Variants in PCDH15 observed in about 807,000 individuals in gnomAD.
PCDH15 encodes the protein protocadherin related 15.
A neutral mutation model predicts 178.5 loss-of-function variants in PCDH15; 129 were observed. The ratio of observed to expected loss-of-function variants is 0.72; its 90% CI spans 0.63 to 0.84. The LOEUF (loss-of-function observed/expected upper bound fraction) is 0.84. PCDH15 is among the 40% of genes least tolerant of loss of function. The pLI is 0.00. For missense variants in PCDH15, 2,230 were observed against 2,099.9 expected (o/e 1.06, Z -1.21); for synonymous variants, 800 against 732.0 (o/e 1.09, Z -1.50).
chr10:55,415,109 G>A (rs1029510158), intron 2 of PCDH15, among the ~76,000 whole-genome samples: 3 of 151,512 alleles, frequency 2.0e-5, no homozygotes, highest in Admixed American at 6.6e-5. Context: ...TTTAACAAGA[G>A]ACTTTATTAT....
At chr10:54,881,305 G>A (rs1381548356) in intron 3 of PCDH15, among the ~76,000 whole-genome samples, 4 of 152,030 alleles carry the variant, frequency 2.6e-5, no homozygotes, top group African/African-American at 9.7e-5. Flanking sequence ...ATGAATGTAA[G>A]GAAATGCTTT....
intron 10 of PCDH15, among the ~76,000 whole-genome samples, chr10:54,198,553 G>C (rs2049917123): frequency 1.5e-5 from 1 of 64,850 alleles, no homozygotes; most frequent in East Asian, 4.8e-4. Flanking sequence ...CCAGGCTGGA[G>C]TGCAGTGGCG....
chr10:54,755,939 G>A (rs1300312165), intron 1 of PCDH15, among the ~76,000 whole-genome samples: 1 of 151,990 alleles, frequency 6.6e-6, no homozygotes. Context: ...AACACCATGA[G>A]ACAAGGCGCG....
At chr10:53,836,231 T>A (rs2077299389) in intron 29 of PCDH15, among the ~76,000 whole-genome samples, 1 of 151,944 alleles carries the variant, frequency 6.6e-6, no homozygotes, top group South Asian at 2.1e-4. Flanking sequence ...CCTGTAAATG[T>A]GAAGCAGAGG....
intron 1 of PCDH15, among the ~76,000 whole-genome samples, chr10:54,782,406 A>G (rs919482907): frequency 1.3e-5 from 2 of 152,174 alleles, no homozygotes; most frequent in Non-Finnish European, 2.9e-5. Flanking sequence ...AATATAAACT[A>G]AAATCAATGC....
intron 2 of PCDH15, among the ~76,000 whole-genome samples, chr10:55,059,792 T>C (rs1841386219): frequency 6.6e-6 from 1 of 152,112 alleles, no homozygotes; most frequent in Non-Finnish European, 1.5e-5. Context: ...CTGATAAATA[T>C]TGCTGGACAT....
chr10:55,507,159 A>G (rs1840776010), intron 2 of PCDH15, among the ~76,000 whole-genome samples: 1 of 151,672 alleles, frequency 6.6e-6, no homozygotes, highest in Non-Finnish European at 1.5e-5. Context: ...TCAACAGGTT[A>G]TAGTGGAGAT....
intron 26 of PCDH15, among the ~76,000 whole-genome samples, chr10:53,892,323 C>T (rs1483329689): frequency 6.6e-6 from 1 of 152,120 alleles, no homozygotes; most frequent in Non-Finnish European, 1.5e-5. Context: ...CTGGGACCGG[C>T]CTCATCGATT....
chr10:55,137,505 C>A (rs1185923100), intron 2 of PCDH15, among the ~76,000 whole-genome samples: 1 of 149,622 alleles, frequency 6.7e-6, no homozygotes, highest in Non-Finnish European at 1.5e-5. Context: ...TCAGAACAAC[C>A]TTAAGTGATG....
intron 2 of PCDH15, among the ~76,000 whole-genome samples, chr10:55,560,235 G>C (rs1842169947): frequency 6.6e-6 from 1 of 151,870 alleles, no homozygotes; most frequent in Non-Finnish European, 1.5e-5. Flanking sequence ...AGGAAAAAAT[G>C]CAGGAAGATG....
chr10:54,330,876 T>TCTTGTGGTTGTTCAGTTGC (rs1312317195), intron 6 of PCDH15, among the ~76,000 whole-genome samples: 1 of 151,968 alleles, frequency 6.6e-6, no homozygotes, highest in Non-Finnish European at 1.5e-5. Context: ...ACTGAAATTG[T>TCTTGTGGTTGTTCAGTTGC]CTTGTGGTTG....
chr10:55,341,553 C>T (rs1844555868), intron 2 of PCDH15, among the ~76,000 whole-genome samples: 1 of 147,966 alleles, frequency 6.8e-6, no homozygotes, highest in Non-Finnish European at 1.5e-5. Context: ...ATTATTTTTT[C>T]TCATATTCTA....
At chr10:53,955,794 T>C (rs2087555538) in intron 23 of PCDH15, among the ~76,000 whole-genome samples, 1 of 152,194 alleles carries the variant, frequency 6.6e-6, no homozygotes, top group Admixed American at 6.5e-5. Flanking sequence ...TCATTTAGCA[T>C]CTCTGGGAAT....
intron 2 of PCDH15, among the ~76,000 whole-genome samples, chr10:54,529,960 T>G (rs1032333168): frequency 6.6e-6 from 1 of 151,998 alleles, no homozygotes; most frequent in Admixed American, 6.6e-5. Context: ...TAATACCTAC[T>G]GAAAATAGAT....
At chr10:54,705,162 G>A (rs1395653644) in intron 1 of PCDH15, among the ~76,000 whole-genome samples, 1 of 152,046 alleles carries the variant, frequency 6.6e-6, no homozygotes, top group Non-Finnish European at 1.5e-5. Flanking sequence ...AGACACTGAT[G>A]CCTACTTGAG....
intron 13 of PCDH15, among the ~76,000 whole-genome samples, chr10:54,168,903 G>T (rs61858442): frequency 2.0e-5 from 3 of 151,590 alleles, no homozygotes; most frequent in South Asian, 4.2e-4. Flanking sequence ...ATAGAAAAAT[G>T]TTGCAATTCC....
intron 1 of PCDH15, among the ~76,000 whole-genome samples, chr10:54,674,852 T>C (rs977577411): frequency 1.3e-5 from 2 of 152,106 alleles, no homozygotes; most frequent in African/African-American, 4.8e-5. Flanking sequence ...AATTTTATAA[T>C]TGTAAAACTC....
intron 2 of PCDH15, among the ~76,000 whole-genome samples, chr10:55,451,009 A>T (rs924148580): frequency 1.6e-4 from 24 of 146,328 alleles, no homozygotes; most frequent in Non-Finnish European, 2.8e-4. Context: ...ATACCATATA[A>T]GCTAACTCTA....
intron 2 of PCDH15, among the ~76,000 whole-genome samples, chr10:55,576,882 A>C (rs1842507051): frequency 6.6e-6 from 1 of 152,200 alleles, no homozygotes; most frequent in Non-Finnish European, 1.5e-5. Flanking sequence ...TTGTAATGTC[A>C]AACTATGTAT....
Sources: gnomAD v4.1 joint callset for allele counts (sites outside exome capture counted in the v4.1 genomes callset) on GRCh38, gnomAD v4.1.1 for gene constraint, MANE v1.5 for transcripts, NCBI Gene and HGNC (gene_info 2026-07-23, HGNC 2026-07-21) for gene names.